Variants in PRRC2C observed in about 807,000 individuals in gnomAD.
PRRC2C encodes proline rich coiled-coil 2C.
In PRRC2C, 72 loss-of-function variants were observed where a neutral mutation model predicts 317.2. That is an observed-to-expected ratio of 0.23 (90% CI 0.19 to 0.28). The LOEUF (loss-of-function observed/expected upper bound fraction) is 0.28, where lower values mean the gene tolerates loss of function less well. Ranked by LOEUF, PRRC2C falls within the 10% of genes least tolerant of loss-of-function variation. PRRC2C has a pLI of 1.00. For missense variants in PRRC2C, 3,074 were observed against 3,459.7 expected (o/e 0.89, Z 2.80); for synonymous variants, 1,296 against 1,205.9 (o/e 1.07, Z -1.55).
intron 4 of PRRC2C, 129 bp from the exon 5 acceptor site, chr1:171,515,605 T>A: frequency 1.3e-6 from 1 of 772,554 alleles, no homozygotes; most frequent in Non-Finnish European, 2.0e-6. Flanking sequence ...GTGATATGGC[T>A]ATGAACAGTC....
At chr1:171,583,852 C>T (rs962398481) in intron 28 of PRRC2C, 104 bp from the exon 29 acceptor site, 38 of 890,436 alleles carry the variant, frequency 4.3e-5, no homozygotes, top group Non-Finnish European at 5.7e-5. Context: ...AAATGTCATG[C>T]AGCACATGAC....
chr1:171,529,215 C>G (rs1471658277), intron 11 of PRRC2C, among the ~76,000 whole-genome samples: 1 of 152,170 alleles, frequency 6.6e-6, no homozygotes, highest in African/African-American at 2.4e-5. Context: ...TTTTCTCAGT[C>G]CATTTTAAAA....
rs1469369623 is a variant in PRRC2C at position 171,541,699 on chromosome 1, T to C, written c.4233T>C (p.Phe1411=). 6.2e-7 allele frequency: 1 copy of C among 1,613,778 alleles called. No individual in the cohort carries two copies. Among genetic ancestry groups the C allele is most frequent in the Non-Finnish European group, 8.5e-7 (1 of 1,179,854 alleles). The part of the protein sequence containing the change: ...PIAADKRPPK[F]ERKFDPARER... ...CAGCAGATAAACGACCTCCAAAATT[T>C]GAGCGAAAATTTGACCCAGCTAGAG... Residue 1411 remains phenylalanine, a synonymous_variant, in exon 16 of 35, where the codon TTT becomes TTC. Transcript: ENST00000647382. The surrounding 1 kb of genome is among the most constrained non-coding windows in gnomAD (Gnocchi z 4.1).
intron 28 of PRRC2C, among the ~76,000 whole-genome samples, chr1:171,581,385 G>A (rs956529945): frequency 6.6e-6 from 1 of 152,186 alleles, no homozygotes; most frequent in African/African-American, 2.4e-5. Context: ...GTGAAAAAGA[G>A]TACAGTGATT....
intron 15 of PRRC2C, 126 bp from the exon 16 acceptor site, chr1:171,539,845 C>G: frequency 3.5e-6 from 3 of 860,036 alleles, no homozygotes; most frequent in Non-Finnish European, 3.5e-6. Context: ...TTTTATATAG[C>G]GAGAGAAAGA....
rs1341235481 is a variant in PRRC2C at position 171,579,852 on chromosome 1, A to G, written c.7297A>G (p.Ile2433Val). Reference sequence around the variant, plus strand: ...GCCAACTTCAGTTCAGCAGATTCCAATCCCTATTTATGCACCACTGCAAGG... The same window carrying G: ...GCCAACTTCAGTTCAGCAGATTCCAGTCCCTATTTATGCACCACTGCAAGG... ...SQPTSVQQIP[I>V]PIYAPLQGQH... The change falls in exon 28 of 35, where the codon ATC (isoleucine) becomes GTC (valine). Residue 2433 changes from isoleucine (I) to valine (V), a missense_variant. By Grantham distance (29) the Ile-to-Val change is conservative (BLOSUM62 3). Transcript: ENST00000647382. The G allele has an allele frequency of 2.5e-6, 4 of 1,578,216 alleles. No homozygotes were observed. Among genetic ancestry groups the G allele is most frequent in the East Asian group, 2.3e-5 (1 of 44,182 alleles).
At chr1:171,492,758 A>ATTTATTTATTTATTTATTTG (rs1667402591) in intron 1 of PRRC2C, among the ~76,000 whole-genome samples, 8 of 150,762 alleles carry the variant, frequency 5.3e-5, no homozygotes. Flanking sequence ...TTATTTATTT[A>ATTTATTTATTTATTTATTTG]TTTATTTATT....
intron 10 of PRRC2C, among the ~76,000 whole-genome samples, chr1:171,527,039 C>T (rs1442601000): frequency 6.6e-6 from 1 of 151,808 alleles, no homozygotes. Context: ...AACTCCTGAC[C>T]TTGTGATCCG....
chr1:171,485,970 T>C (rs1457337587), intron 1 of PRRC2C, among the ~76,000 whole-genome samples: 7 of 152,080 alleles, frequency 4.6e-5, no homozygotes, highest in Non-Finnish European at 1.0e-4. Flanking sequence ...ACCCGCCCCA[T>C]GTGGTCTGCA....
intron 11 of PRRC2C, among the ~76,000 whole-genome samples, chr1:171,528,253 G>A (rs948891595): frequency 2.0e-5 from 3 of 149,180 alleles, no homozygotes; most frequent in Non-Finnish European, 3.0e-5. Flanking sequence ...CCATTGCAGT[G>A]TCTACCCTAT....
intron 17 of PRRC2C, among the ~76,000 whole-genome samples, chr1:171,546,140 C>T (rs1006471544): frequency 6.6e-5 from 10 of 151,952 alleles, no homozygotes; most frequent in African/African-American, 1.7e-4. Flanking sequence ...AATAATAGGA[C>T]GAGAGGCAGT....
chr1:171,587,114 C>T lies in PRRC2C; in HGVS notation c.7861C>T (p.Pro2621Ser). The T allele has an allele frequency of 6.2e-7, 1 of 1,611,764 alleles. No individual in the cohort carries two copies. Among genetic ancestry groups the T allele is most frequent in the South Asian group, 1.1e-5 (1 of 90,328 alleles). Residue 2621 changes from proline (P) to serine (S), a missense_variant, in exon 31 of 35, where the codon CCC becomes TCC. Physicochemically the swap from Pro to Ser is moderately conservative, Grantham distance 74. Transcript: ENST00000647382. ...TLQPPLQHTT[P>S]QAQAQSLSRP... ...TCAGCCCCCATTACAGCATACCACT[C>T]CCCAAGCACAGGCTCAGAGTCTGAG... is the stretch of plus-strand genomic sequence containing the variant.
At chr1:171,523,175 A>G in intron 7 of PRRC2C, 46 bp from the exon 8 acceptor site, 3 of 1,521,078 alleles carry the variant, frequency 2.0e-6, no homozygotes, top group Non-Finnish European at 2.7e-6. Context: ...CTCCCAGTTT[A>G]GTATCATAAA....
At chr1:171,583,498 C>A (rs1409463827) in intron 28 of PRRC2C, among the ~76,000 whole-genome samples, 1 of 152,114 alleles carries the variant, frequency 6.6e-6, no homozygotes, top group Non-Finnish European at 1.5e-5. Flanking sequence ...ATGCCTTCTT[C>A]TGGAATACCC....
intron 28 of PRRC2C, among the ~76,000 whole-genome samples, chr1:171,583,239 G>T (rs550978606): frequency 6.6e-6 from 1 of 152,232 alleles, no homozygotes; most frequent in South Asian, 2.1e-4. Context: ...CTCCCAAAGT[G>T]CTGGGATTAT....
chr1:171,515,705 C>T (rs776208478), intron 4 of PRRC2C, 29 bp from the exon 5 acceptor site: 9 of 1,533,552 alleles, frequency 5.9e-6, no homozygotes, highest in African/African-American at 4.2e-5. Context: ...TAAAAGTTAC[C>T]TTTAATGTTT....
intron 9 of PRRC2C, among the ~76,000 whole-genome samples, chr1:171,524,566 GAT>G (rs921708902): frequency 2.6e-5 from 4 of 152,138 alleles, no homozygotes; most frequent in African/African-American, 9.7e-5. Context: ...GATAGGAAAT[GAT>G]GTGATTATAT....
In PRRC2C at chr1:171,591,479, G is replaced by T. The variant is rs1031183436; in HGVS notation, c.8437-108G>T. The T allele has an allele frequency of 8.6e-6, 12 of 1,392,462 alleles. No homozygotes were observed. In the East Asian group the frequency reaches 1.7e-4, roughly 20 times the overall value. The allele number at this position is 1,392,462 out of a possible 1,614,324, so 86.3% of individuals were successfully genotyped here. A position where few individuals can be genotyped will look rare whatever the true frequency, so the allele number is the denominator to read the frequency against. On this transcript the variant is annotated intron_variant, in intron 34 of 34. Transcript: ENST00000647382. ...GGTACTTTTGGCTTTGGCCAAACCA[G>T]TGTGGGGAAAACTGATTTGTGATTG...
At chr1:171,527,329 TG>T (rs1674809291) in intron 10 of PRRC2C, among the ~76,000 whole-genome samples, 1 of 147,892 alleles carries the variant, frequency 6.8e-6, no homozygotes, top group Non-Finnish European at 1.5e-5. Context: ...GACAGGGTTT[TG>T]CCATGTTGGC....
Sources: allele counts gnomAD v4.1 joint callset (sites outside exome capture counted in the v4.1 genomes callset), GRCh38; gene constraint gnomAD v4.1.1; non-coding constraint Gnocchi (gnomAD v3.1); transcripts MANE v1.5; gene names NCBI Gene and HGNC (gene_info 2026-07-23, HGNC 2026-07-21).